Variants in SLC25A21 observed in about 807,000 individuals in gnomAD.
The protein encoded by SLC25A21 is mitochondrial 2-oxodicarboxylate carrier.
SLC25A21 carries 47 observed loss-of-function variants against 43.8 expected under a neutral mutation model. The observed-to-expected ratio is 1.07, with a 90% CI of 0.85 to 1.37. The LOEUF (loss-of-function observed/expected upper bound fraction) is 1.37, where lower values mean the gene tolerates loss of function less well. Among genes scored for constraint, SLC25A21 ranks in the 40% most tolerant of loss-of-function variants. The probability of loss-of-function intolerance (pLI) is 0.00; values close to 1 mark genes in which losing one functional copy is unlikely to be tolerated. For missense variants in SLC25A21, 352 were observed against 350.2 expected, an observed-to-expected ratio of 1.00 and a Z score of -0.04; for synonymous variants, 131 against 121.3, an observed-to-expected ratio of 1.08 and a Z score of -0.52.
At position 36,994,482 on chromosome 14, in the gene SLC25A21, G is replaced by A. The variant is rs562578282; in HGVS notation, c.71-119478C>T. 1.8e-4 allele frequency among the ~76,000 whole-genome samples: 27 copies of A among 152,220 alleles called. No individual in the cohort carries two copies. In the Middle Eastern group the frequency reaches 0.01, roughly 58 times the overall value. Reference sequence around the variant, plus strand: ...TTTGTTTCCACATGTTTACTTAAAAGAAGAAAATAACAAGTCTCAACCTTC... The same window carrying A: ...TTTGTTTCCACATGTTTACTTAAAAAAAGAAAATAACAAGTCTCAACCTTC... On this transcript the variant is annotated intron_variant, in intron 1 of 9. Transcript: ENST00000331299.
intron 1 of SLC25A21, among the ~76,000 whole-genome samples, chr14:36,928,748 T>C (rs1482193861): frequency 6.6e-6 from 1 of 152,264 alleles, no homozygotes; most frequent in Admixed American, 6.5e-5. Flanking sequence ...CAGAACAAAA[T>C]CCCTGCAAAG....
intron 1 of SLC25A21, among the ~76,000 whole-genome samples, chr14:37,142,042 C>A (rs894082261): frequency 6.6e-6 from 1 of 152,174 alleles, no homozygotes; most frequent in Non-Finnish European, 1.5e-5. Flanking sequence ...GGCTGAGAAC[C>A]ATGGCTCTGG....
chr14:36,835,055 G>A (rs910015668), intron 2 of SLC25A21, among the ~76,000 whole-genome samples: 4 of 152,146 alleles, frequency 2.6e-5, no homozygotes, highest in Admixed American at 2.0e-4. Flanking sequence ...ATAACATCTC[G>A]ATAACAATTT....
chr14:36,831,284 A>T (rs1889029501), intron 2 of SLC25A21, among the ~76,000 whole-genome samples: 1 of 152,240 alleles, frequency 6.6e-6, no homozygotes, highest in African/African-American at 2.4e-5. Context: ...TTTTCCACTA[A>T]ACATAACTTC....
chr14:37,041,993 C>T (rs986993000), intron 1 of SLC25A21, among the ~76,000 whole-genome samples: 7 of 152,180 alleles, frequency 4.6e-5, no homozygotes, highest in Non-Finnish European at 1.0e-4. Context: ...TTTCTCACCA[C>T]ATCAAGTGGA....
In SLC25A21 at chr14:37,031,908, G is replaced by C. The variant is rs563185552; in HGVS notation, c.70+140373C>G. ...GGTAAAACAACCACATTTTAAAAGA[G>C]ATTTAATCTCACATTGTACGTAGAA... On this transcript the variant is annotated intron_variant, in intron 1 of 9. Transcript: ENST00000331299. 9.8e-5 allele frequency among the ~76,000 whole-genome samples: 15 copies of C among 152,290 alleles called. 2 individuals carry two copies. The highest frequency in any genetic ancestry group is 3.6e-4 in the African/African-American group (15 of 41,554).
Position 36,794,952 on chromosome 14 carries a change from A to G in SLC25A21, c.203+18966T>C, listed in dbSNP as rs148892718. ...AGGATTAATTTATGGATTTTACTAC[A>G]TGCATTTTTATCATTTGCTATGCTT... On this transcript the variant is annotated intron_variant, in intron 3 of 9. Coordinates refer to ENST00000331299, the MANE Select transcript of SLC25A21 (RefSeq NM_030631.4). Among the ~76,000 whole-genome samples the G allele has an allele frequency of 7.6e-4, 115 of 152,254 alleles. 1 individual carries two copies. The highest frequency in any genetic ancestry group is 2.6e-3 in the African/African-American group (110 of 41,560).
At chr14:37,139,227 G>A (rs1963532195) in intron 1 of SLC25A21, among the ~76,000 whole-genome samples, 1 of 151,696 alleles carries the variant, frequency 6.6e-6, no homozygotes, top group African/African-American at 2.4e-5. Flanking sequence ...ATATCACTGG[G>A]GATTTAAATC....
At chr14:37,166,317 A>C (rs1037041514) in intron 1 of SLC25A21, among the ~76,000 whole-genome samples, 7 of 152,250 alleles carry the variant, frequency 4.6e-5, no homozygotes, top group African/African-American at 1.7e-4. Context: ...GGAGTGAGCA[A>C]GGTACTACTT....
chr14:36,772,946 T>C (rs1886677844), intron 3 of SLC25A21, among the ~76,000 whole-genome samples: 5 of 152,136 alleles, frequency 3.3e-5, no homozygotes, highest in Admixed American at 3.3e-4. Context: ...CCTATACAAA[T>C]TGCCTCATTT....
At chr14:36,829,899 A>G (rs927740802) in intron 2 of SLC25A21, among the ~76,000 whole-genome samples, 15 of 151,780 alleles carry the variant, frequency 9.9e-5, no homozygotes, top group Non-Finnish European at 1.2e-4. Flanking sequence ...ACTCCTCCTC[A>G]GCTAGATGAC....
intron 2 of SLC25A21, among the ~76,000 whole-genome samples, chr14:36,867,748 T>C (rs1434647092): frequency 6.6e-6 from 1 of 152,134 alleles, no homozygotes; most frequent in Non-Finnish European, 1.5e-5. Flanking sequence ...TGTCTTTGTA[T>C]TCCCCCCATT....
chr14:36,723,767 G>C (rs562493468), intron 6 of SLC25A21, among the ~76,000 whole-genome samples: 1 of 152,294 alleles, frequency 6.6e-6, no homozygotes, highest in East Asian at 1.9e-4. Flanking sequence ...CATGAGCCGA[G>C]GTGCCCTGAT....
chr14:36,896,576 T>C (rs1046433634), intron 1 of SLC25A21, among the ~76,000 whole-genome samples: 1 of 152,336 alleles, frequency 6.6e-6, no homozygotes, highest in Non-Finnish European at 1.5e-5. Context: ...TTCATCCATG[T>C]CATTATGATG....
intron 1 of SLC25A21, among the ~76,000 whole-genome samples, chr14:37,130,757 A>C (rs558092234): frequency 6.6e-6 from 1 of 152,332 alleles, no homozygotes; most frequent in South Asian, 2.1e-4. Context: ...AAAATTAAGT[A>C]GTTTATGGAG....
At chr14:36,725,365 C>T (rs1163831142) in intron 6 of SLC25A21, 5 of 179,636 alleles carry the variant, frequency 2.8e-5, no homozygotes, top group South Asian at 3.5e-4. Context: ...ATCCCAGCTA[C>T]GAGGGAGGCT....
At chr14:36,797,047 A>G (rs1377422929) in intron 3 of SLC25A21, among the ~76,000 whole-genome samples, 1 of 152,192 alleles carries the variant, frequency 6.6e-6, no homozygotes, top group Non-Finnish European at 1.5e-5. Flanking sequence ...GAGAAGTAGC[A>G]ATAGCTGATC....
chr14:37,100,235 T>G (rs1431462510), intron 1 of SLC25A21, among the ~76,000 whole-genome samples: 1 of 152,026 alleles, frequency 6.6e-6, no homozygotes, highest in Non-Finnish European at 1.5e-5. Context: ...ATTTTTGTAT[T>G]TTTAGTAGAG....
chr14:36,778,945 A>T (rs1220517013), intron 3 of SLC25A21, among the ~76,000 whole-genome samples: 1 of 151,924 alleles, frequency 6.6e-6, no homozygotes, highest in African/African-American at 2.4e-5. Flanking sequence ...TTATAACTGA[A>T]AGTTTGTATG....
Sources: allele counts gnomAD v4.1 joint callset (sites outside exome capture counted in the v4.1 genomes callset), GRCh38; gene constraint gnomAD v4.1.1; transcripts MANE v1.5; gene names NCBI Gene and HGNC (gene_info 2026-07-23, HGNC 2026-07-21).